The following STXBP5 variants were observed in gnomAD, a reference collection of about 807,000 sequenced individuals.
STXBP5 encodes the protein syntaxin-binding protein 5.
In STXBP5, 50 loss-of-function variants were observed where a neutral mutation model predicts 152.4. The ratio of observed to expected loss-of-function variants is 0.33; its 90% confidence interval spans 0.26 to 0.42. The LOEUF is 0.42. Ranked by LOEUF, STXBP5 falls within the 10% of genes least tolerant of loss-of-function variation. STXBP5 has a pLI of 1.00. For missense variants in STXBP5, 1,167 were observed against 1,388.6 expected, an observed-to-expected ratio of 0.84 and a Z score of 2.54; for synonymous variants, 492 against 494.7, an observed-to-expected ratio of 0.99 and a Z score of 0.07.
At chr6:147,314,703 T>TA in intron 14 of STXBP5, 67 bp downstream of exon 14, 2 of 1,186,966 alleles carry the variant, frequency 1.7e-6, no homozygotes, top group Middle Eastern at 5.2e-4. Context: ...CATCCTGTTT[T>TA]ATAATAATTG....
intron 18 of STXBP5, among the ~76,000 whole-genome samples, chr6:147,330,249 T>G (rs2128389654): frequency 6.6e-6 from 1 of 152,288 alleles, no homozygotes; most frequent in East Asian, 1.9e-4. Flanking sequence ...GCTGGTCATT[T>G]TATCATTCAG....
rs1345508648 is a variant in STXBP5, at chr6:147,363,453, C to T, written c.2664C>T (p.Asp888=). The T allele has an allele frequency of 8.1e-6, 13 of 1,613,914 alleles. No individual in the cohort carries two copies. Among genetic ancestry groups the T allele is most frequent in the East Asian group, 2.2e-5 (1 of 44,864 alleles). ...WREHNVPEEK[D]EKEKLKKRRP... ...AGCACAATGTTCCTGAAGAAAAAGA[C>T]GAAAAGGAGAAATTGAAAAAACGGC... is the stretch of plus-strand genomic sequence containing the variant. Residue 888 remains aspartate (D), a synonymous_variant, in exon 24 of 28, where the codon GAC becomes GAT. Coordinates refer to ENST00000321680, the MANE Select transcript of STXBP5 (RefSeq NM_001127715.4).
intron 9 of STXBP5, 89 bp from the exon 10 acceptor site, chr6:147,309,995 G>A (rs1782283932): frequency 1.1e-6 from 1 of 917,552 alleles, no homozygotes; most frequent in South Asian, 3.0e-5. Context: ...TTAAGATTTT[G>A]TTATTTCACT....
intron 26 of STXBP5, among the ~76,000 whole-genome samples, chr6:147,377,063 A>G (rs1055895983): frequency 6.6e-6 from 1 of 152,052 alleles, no homozygotes; most frequent in African/African-American, 2.4e-5. Flanking sequence ...CAGTTTCTCA[A>G]TCATCATCAT....
At chr6:147,315,425 A>G in intron 14 of STXBP5, 90 bp from the exon 15 acceptor site, 1 of 838,620 alleles carries the variant, frequency 1.2e-6, no homozygotes, top group Non-Finnish European at 1.8e-6. Flanking sequence ...AATATGGACC[A>G]TTTTCTATAC....
In STXBP5 at chr6:147,278,062, A is replaced by G; in HGVS notation, c.715-19A>G. The G allele has an allele frequency of 6.3e-7, 1 of 1,591,026 alleles. No individual in the cohort carries two copies. Among genetic ancestry groups the G allele is most frequent in the South Asian group, 1.1e-5 (1 of 87,760 alleles). On this transcript the variant is annotated intron_variant, in intron 7 of 27. Coordinates refer to ENST00000321680, the MANE Select transcript of STXBP5 (RefSeq NM_001127715.4). ...TGTTTAAATAGATTTTTTAAATGGT[A>G]TTTTTCATCCTTCTATAGGCTATCC...
intron 20 of STXBP5, 45 bp downstream of exon 20, chr6:147,339,283 AT>A (rs1159410063): frequency 2.0e-6 from 3 of 1,510,234 alleles, no homozygotes; most frequent in South Asian, 1.3e-5. Context: ...TGTTTAATTT[AT>A]TTAGTTTACT....
chr6:147,275,417 C>T (rs962885523), intron 7 of STXBP5, among the ~76,000 whole-genome samples: 4 of 151,834 alleles, frequency 2.6e-5, no homozygotes, highest in African/African-American at 9.7e-5. Context: ...ATCTTGTCCT[C>T]CATGGCTTTT....
chr6:147,368,216 C>G lies in STXBP5; in HGVS notation c.3081+4050C>G, dbSNP rs587221. Among the ~76,000 whole-genome samples the G allele has an allele frequency of 9.4e-3, 1,431 of 151,838 alleles. 10 individuals are homozygous for G. The highest frequency in any genetic ancestry group is 0.015 in the Non-Finnish European group (1,042 of 67,936). On this transcript the variant is annotated intron_variant, in intron 25 of 27. Coordinates refer to ENST00000321680, the MANE Select transcript of STXBP5 (RefSeq NM_001127715.4). ...AGTTATTATAAGAAAAGAAAACTAC[C>G]TATAAACCAATATCTCTCATAAATA...
At chr6:147,211,690 A>G (rs915684377) in intron 2 of STXBP5, among the ~76,000 whole-genome samples, 1 of 152,140 alleles carries the variant, frequency 6.6e-6, no homozygotes, top group East Asian at 1.9e-4. Context: ...AGGCTCAAGC[A>G]ATCCTCCTAC....
rs767173726 is a variant in STXBP5 at position 147,371,585 on chromosome 6, A to G, written c.3082-2146A>G. On this transcript the variant is annotated intron_variant, in intron 25 of 27. Coordinates refer to ENST00000321680, the MANE Select transcript of STXBP5 (RefSeq NM_001127715.4). ...GAAGAAGCCATTTCTTTGACAGACT[A>G]ATTTGACTAAGAGTCTCCTGCTAGT... is the stretch of plus-strand genomic sequence containing the variant. Among the ~76,000 whole-genome samples, 64 of 152,248 alleles carry G rather than the reference A, an allele frequency of 4.2e-4. 1 individual carries two copies. Among genetic ancestry groups the G allele is most frequent in the South Asian group, 8.3e-4 (4 of 4,824 alleles).
chr6:147,306,412 G>T (rs1782095103), intron 9 of STXBP5, among the ~76,000 whole-genome samples: 1 of 152,234 alleles, frequency 6.6e-6, no homozygotes, highest in Admixed American at 6.5e-5. Flanking sequence ...CTCTGAGGAG[G>T]TGATGATTGG....
At chr6:147,226,128 T>A (rs1450302307) in intron 2 of STXBP5, among the ~76,000 whole-genome samples, 1 of 151,852 alleles carries the variant, frequency 6.6e-6, no homozygotes, top group Non-Finnish European at 1.5e-5. Context: ...AGACCTTGGC[T>A]CTACCAAAAC....
At position 147,389,350 on chromosome 6, in the gene STXBP5, G is replaced by A. The variant is rs1361707465; in HGVS notation, c.*4595G>A. 1 of 151,782 alleles carries A rather than the reference G, an allele frequency of 6.6e-6. No individual in the cohort carries two copies. Among genetic ancestry groups the A allele is most frequent in the East Asian group, 1.9e-4 (1 of 5,176 alleles). The allele number at this position is 151,782 out of a possible 1,614,324, so 9.4% of individuals were successfully genotyped here. On this transcript the variant is annotated 3_prime_UTR_variant, in exon 28 of 28. Transcript: ENST00000321680. ...CTTACCTTTCTCAGATGAATTAAATGATTTTAATAACTTCCCAATTACCAG... is the reference window on the plus strand; with the variant it reads ...CTTACCTTTCTCAGATGAATTAAATAATTTTAATAACTTCCCAATTACCAG...
intron 25 of STXBP5, among the ~76,000 whole-genome samples, chr6:147,371,896 G>A (rs1044179323): frequency 5.3e-5 from 8 of 151,988 alleles, no homozygotes; most frequent in Non-Finnish European, 7.4e-5. Flanking sequence ...TGCTGTTATT[G>A]ATCTTTTTTA....
intron 7 of STXBP5, among the ~76,000 whole-genome samples, chr6:147,275,324 G>T (rs1780382726): frequency 6.6e-6 from 1 of 151,900 alleles, no homozygotes; most frequent in Non-Finnish European, 1.5e-5. Flanking sequence ...AGAATTGCAT[G>T]CACTGTTGCT....
At chr6:147,244,456 A>T (rs1282575229) in intron 4 of STXBP5, among the ~76,000 whole-genome samples, 1 of 152,144 alleles carries the variant, frequency 6.6e-6, no homozygotes, top group Non-Finnish European at 1.5e-5. Context: ...TAGGATTTTG[A>T]TTTGGCTTTT....
intron 2 of STXBP5, among the ~76,000 whole-genome samples, chr6:147,223,159 T>C (rs1211216809): frequency 2.0e-5 from 3 of 152,264 alleles, no homozygotes; most frequent in Non-Finnish European, 2.9e-5. Context: ...GAAGTTGATA[T>C]TAACTTTTAT....
chr6:147,272,518 G>A (rs1780223393), intron 7 of STXBP5, among the ~76,000 whole-genome samples: 2 of 152,052 alleles, frequency 1.3e-5, no homozygotes, highest in African/African-American at 4.8e-5. Context: ...TTGATTCTCA[G>A]TGCCATTTTT....
Sources: allele counts gnomAD v4.1 joint callset (sites outside exome capture counted in the v4.1 genomes callset), GRCh38; gene constraint gnomAD v4.1.1; transcripts MANE v1.5; gene names NCBI Gene and HGNC (gene_info 2026-07-23, HGNC 2026-07-21).